Variants in SATB2 observed in about 807,000 individuals in gnomAD.
SATB2 encodes the protein DNA-binding protein SATB2.
In SATB2, 1 loss-of-function variant was observed where a neutral mutation model predicts 73.4. The observed-to-expected ratio is 0.01, with a 90% confidence interval of 0.00 to 0.06. SATB2 has a LOEUF of 0.06. Ranked by LOEUF, SATB2 falls within the 10% of genes least tolerant of loss-of-function variation. SATB2 has a pLI of 1.00. For missense variants in SATB2, 459 were observed against 945.8 expected, an observed-to-expected ratio of 0.49 and a Z score of 6.75; for synonymous variants, 397 against 367.0, an observed-to-expected ratio of 1.08 and a Z score of -0.93.
chr2:199,356,934 T>A (rs983798233), intron 6 of SATB2, among the ~76,000 whole-genome samples: 1 of 152,202 alleles, frequency 6.6e-6, no homozygotes, highest in Non-Finnish European at 1.5e-5. Context: ...TTCTATGACA[T>A]TGATATTAAG....
At chr2:199,409,013 A>C (rs1690724487) in intron 3 of SATB2, among the ~76,000 whole-genome samples, 1 of 152,238 alleles carries the variant, frequency 6.6e-6, no homozygotes, top group East Asian at 1.9e-4. Flanking sequence ...TCTTTTTCAC[A>C]GACACTCCTA....
intron 5 of SATB2, among the ~76,000 whole-genome samples, chr2:199,374,410 G>A (rs1014263726): frequency 1.3e-5 from 2 of 152,158 alleles, no homozygotes; most frequent in African/African-American, 2.4e-5. Context: ...GGATGAGAGG[G>A]GAATAAGGAA....
At chr2:199,280,965 TG>T (rs1351383957) in intron 10 of SATB2, among the ~76,000 whole-genome samples, 1 of 152,170 alleles carries the variant, frequency 6.6e-6, no homozygotes, top group Non-Finnish European at 1.5e-5. Flanking sequence ...TTGCGGCTTG[TG>T]GGGCATCAGG....
At chr2:199,469,194 G>T (rs1692654572), upstream of SATB2, among the ~76,000 whole-genome samples, 1 of 152,200 alleles carries the variant, frequency 6.6e-6, no homozygotes, top group African/African-American at 2.4e-5. Context: ...AGGCAGGAAG[G>T]TTAATCATTT....
chr2:199,317,335 T>C (rs1427269662), intron 9 of SATB2, among the ~76,000 whole-genome samples: 1 of 152,024 alleles, frequency 6.6e-6, no homozygotes, highest in Non-Finnish European at 1.5e-5. Context: ...ATTCTCCCAC[T>C]GTAAGAACCA....
At chr2:199,453,348 T>C (rs1692183812) in intron 2 of SATB2, among the ~76,000 whole-genome samples, 1 of 152,046 alleles carries the variant, frequency 6.6e-6, no homozygotes. Flanking sequence ...CAAATTTTAT[T>C]GTATCCATCA....
upstream of SATB2, among the ~76,000 whole-genome samples, chr2:199,461,021 A>G (rs1371857361): frequency 6.6e-6 from 1 of 152,242 alleles, no homozygotes; most frequent in Non-Finnish European, 1.5e-5. Flanking sequence ...CTATCATGTT[A>G]GGAAAAAGCC....
intron 7 of SATB2, among the ~76,000 whole-genome samples, chr2:199,336,169 A>T (rs1009186155): frequency 6.6e-6 from 1 of 152,144 alleles, no homozygotes; most frequent in Non-Finnish European, 1.5e-5. Context: ...CTGGAATAAG[A>T]GGCTATGCAC....
intron 10 of SATB2, among the ~76,000 whole-genome samples, chr2:199,277,829 T>C (rs1348238608): frequency 1.3e-5 from 2 of 152,222 alleles, no homozygotes; most frequent in Non-Finnish European, 2.9e-5. Flanking sequence ...CAGGCATTTT[T>C]ACCCCCACTT....
chr2:199,391,468 G>A (rs1574581405), intron 3 of SATB2, among the ~76,000 whole-genome samples: 1 of 149,276 alleles, frequency 6.7e-6, no homozygotes, highest in Admixed American at 6.7e-5. Flanking sequence ...AACAAAAAAC[G>A]AGTATTTTAA....
chr2:199,294,960 T>C (rs1010553442), intron 10 of SATB2, among the ~76,000 whole-genome samples: 3 of 152,210 alleles, frequency 2.0e-5, no homozygotes, highest in African/African-American at 7.2e-5. Flanking sequence ...AAAATAACTG[T>C]TAATTTGTTC....
rs372032415 is a variant in SATB2, at chr2:199,272,366, C to T, written c.2047G>A (p.Ala683Thr). ...HGKLKEHLGS[A>T]VDVAEYKDEE... is the part of the protein sequence containing the mutation. ...TCCTTATATTCAGCCACGTCCACCG[C>T]GGAGCCCAGGTGCTCTTTCAGCTTC... is the stretch of plus-strand genomic sequence containing the variant. Residue 683 changes from alanine (A) to threonine (T), a missense_variant, in exon 11 of 11, where the codon GCG (alanine) becomes ACG (threonine). This residue lies in a region of SATB2 where 13 missense variants were observed against 18.1 expected (regional missense o/e 0.72). Coordinates refer to ENST00000417098, the MANE Select transcript of SATB2 (RefSeq NM_001172509.2). The surrounding 1 kb of genome is among the most constrained non-coding windows in gnomAD (Gnocchi z 6.7). 8 of 1,614,042 alleles carry T rather than the reference C, an allele frequency of 5.0e-6. No homozygotes were observed. Among genetic ancestry groups the T allele is most frequent in the African/African-American group, 2.7e-5 (2 of 74,908 alleles).
intron 10 of SATB2, among the ~76,000 whole-genome samples, chr2:199,303,656 A>C (rs953321322): frequency 1.3e-5 from 2 of 152,142 alleles, no homozygotes; most frequent in Non-Finnish European, 2.9e-5. Flanking sequence ...ATAATAACCA[A>C]AAATGACTCC....
intron 6 of SATB2, among the ~76,000 whole-genome samples, chr2:199,361,372 T>C (rs1689132597): frequency 6.6e-6 from 1 of 151,960 alleles, no homozygotes; most frequent in Admixed American, 6.6e-5. Context: ...CTTGAACCTC[T>C]TGCATTGGTG....
At chr2:199,402,541 C>T (rs550332177) in intron 3 of SATB2, among the ~76,000 whole-genome samples, 96 of 152,130 alleles carry the variant, frequency 6.3e-4, no homozygotes, top group African/African-American at 2.1e-3. Flanking sequence ...CCAGCCTAGG[C>T]GAGAGAGCAA....
chr2:199,357,104 G>A (rs993662987), intron 6 of SATB2, among the ~76,000 whole-genome samples: 1 of 152,216 alleles, frequency 6.6e-6, no homozygotes, highest in African/African-American at 2.4e-5. Context: ...CGCTGCTTAA[G>A]ATGAACTGCC....
At chr2:199,364,673 C>T (rs1441790572) in intron 6 of SATB2, among the ~76,000 whole-genome samples, 2 of 152,048 alleles carry the variant, frequency 1.3e-5, no homozygotes, top group African/African-American at 4.8e-5. Context: ...TAATAACCAC[C>T]TGTATTTGTG....
chr2:199,427,165 A>G (rs1252775835), intron 3 of SATB2, among the ~76,000 whole-genome samples: 1 of 152,242 alleles, frequency 6.6e-6, no homozygotes, highest in Non-Finnish European at 1.5e-5. Flanking sequence ...GGAATGAGTC[A>G]TCGTGCACAG....
At chr2:199,327,456 A>G (rs931924096) in intron 8 of SATB2, among the ~76,000 whole-genome samples, 10 of 152,174 alleles carry the variant, frequency 6.6e-5, no homozygotes, top group Admixed American at 3.3e-4. Context: ...CAAACAAAAA[A>G]AATTTATACC....
Sources: allele counts gnomAD v4.1 joint callset (sites outside exome capture counted in the v4.1 genomes callset), GRCh38; gene constraint gnomAD v4.1.1; regional missense constraint gnomAD v4.1.1; non-coding constraint Gnocchi (gnomAD v3.1); transcripts MANE v1.5; gene names NCBI Gene and HGNC (gene_info 2026-07-23, HGNC 2026-07-21).